DYSF: variants seen among roughly 807,000 people sequenced by gnomAD.
The protein encoded by DYSF is dystrophy-associated fer-1-like 1.
A neutral mutation model predicts 274.9 loss-of-function variants in DYSF; 212 were observed. The observed-to-expected ratio is 0.77, with a 90% CI of 0.69 to 0.86. The LOEUF is 0.86. Ranked by LOEUF, DYSF falls within the 40% of genes least tolerant of loss-of-function variation. The pLI, the probability that DYSF is intolerant of heterozygous loss-of-function variation, is 0.00. For missense variants in DYSF, 2,666 were observed against 2,783.2 expected (o/e 0.96, Z 0.95); for synonymous variants, 1,091 against 1,078.7 (o/e 1.01, Z -0.22).
chr2:71,603,169 G>A (rs1057372955), intron 36 of DYSF, among the ~76,000 whole-genome samples: 2 of 152,236 alleles, frequency 1.3e-5, no homozygotes, highest in Non-Finnish European at 2.9e-5. Context: ...GGTGGCATTA[G>A]TCAAATGTCT....
intron 22 of DYSF, among the ~76,000 whole-genome samples, chr2:71,556,872 T>C (rs569573193): frequency 1.3e-5 from 2 of 152,332 alleles, no homozygotes; most frequent in South Asian, 4.1e-4. Context: ...GCAAATGTAT[T>C]CTATGCTCCC....
chr2:71,626,465 C>A (rs2094209879), intron 41 of DYSF, among the ~76,000 whole-genome samples: 1 of 150,348 alleles, frequency 6.7e-6, no homozygotes. Context: ...AATTAATAAC[C>A]CAAGTTATCT....
intron 33 of DYSF, among the ~76,000 whole-genome samples, chr2:71,600,324 G>A (rs2093518245): frequency 6.6e-6 from 1 of 152,262 alleles, no homozygotes; most frequent in Non-Finnish European, 1.5e-5. Flanking sequence ...AGATACAGAA[G>A]TCCCTGGAAC....
At chr2:71,517,588 G>A (rs2086790816) in intron 10 of DYSF, among the ~76,000 whole-genome samples, 1 of 152,110 alleles carries the variant, frequency 6.6e-6, no homozygotes, top group Non-Finnish European at 1.5e-5. Flanking sequence ...GTGTCCAGAA[G>A]ACCAAACAAA....
At position 71,488,542 on chromosome 2, in the gene DYSF, C is replaced by T. The variant is rs184985071; in HGVS notation, c.239+6572C>T. On this transcript the variant is annotated intron_variant, in intron 3 of 55. Coordinates refer to ENST00000410020, the MANE Select transcript of DYSF (RefSeq NM_001130987.2). ...AGAACAACCTGTTAAATGAGGAGGT[C>T]TCAAATACCACAGGCGACACCTTAT... 2.4e-3 allele frequency among the ~76,000 whole-genome samples: 371 copies of T among 152,266 alleles called. 1 individual carries two copies. Among genetic ancestry groups the T allele is most frequent in the Admixed American group, 4.8e-3 (73 of 15,294 alleles).
At chr2:71,606,383 A>G (rs2093647689) in intron 36 of DYSF, among the ~76,000 whole-genome samples, 1 of 152,124 alleles carries the variant, frequency 6.6e-6, no homozygotes. Context: ...TCCTCTGATT[A>G]GGCTTATCAG....
chr2:71,462,758 C>T (rs763637380), upstream of DYSF, among the ~76,000 whole-genome samples: 25 of 152,140 alleles, frequency 1.6e-4, no homozygotes, highest in Non-Finnish European at 2.9e-4. Context: ...AGCTCGTCAC[C>T]GCAGGCAGGT....
At chr2:71,672,447 C>T (rs1188224879) in intron 51 of DYSF, among the ~76,000 whole-genome samples, 5 of 152,186 alleles carry the variant, frequency 3.3e-5, no homozygotes, top group East Asian at 1.9e-4. Context: ...ATTAACCAGA[C>T]GAGACTGTCG....
intron 12 of DYSF, among the ~76,000 whole-genome samples, chr2:71,523,440 TG>T (rs1430251345): frequency 6.6e-6 from 1 of 152,154 alleles, no homozygotes; most frequent in African/African-American, 2.4e-5. Flanking sequence ...AGACTGGATT[TG>T]GGGGAACAAC....
chr2:71,553,753 TCCC>T, intron 20 of DYSF, 51 bp from the exon 21 acceptor site: 2 of 567,526 alleles, frequency 3.5e-6, no homozygotes, highest in Non-Finnish European at 6.0e-6. Context: ...TAGCACCCCA[TCCC>T]ACCCGCCCTC....
intron 4 of DYSF, among the ~76,000 whole-genome samples, chr2:71,508,468 T>C (rs895598575): frequency 1.3e-5 from 2 of 152,242 alleles, no homozygotes; most frequent in African/African-American, 4.8e-5. Flanking sequence ...TTTCCTTCCA[T>C]TTGGAATAAT....
At position 71,485,876 on chromosome 2, in the gene DYSF, C is replaced by T. The variant is rs568533076; in HGVS notation, c.239+3906C>T. On this transcript the variant is annotated intron_variant, in intron 3 of 55. Transcript: ENST00000410020. ...TTGCCCAGGCTGCAGTGCAGTGGTA[C>T]GTTCTTGGCTCACTGCAACCTCCGC... 9.2e-5 allele frequency among the ~76,000 whole-genome samples: 14 copies of T among 152,264 alleles called. No individual in the cohort carries two copies. The South Asian group carries it at 1.5e-3, about 16-fold the overall frequency.
chr2:71,563,977 C>CA, intron 23 of DYSF, 81 bp from the exon 24 acceptor site: 3 of 1,595,198 alleles, frequency 1.9e-6, no homozygotes, highest in African/African-American at 1.3e-5. Context: ...GCCTCTGAGT[C>CA]AGAGGTCAGC....
chr2:71,669,003 A>C (rs2095069433), intron 49 of DYSF, 109 bp from the exon 50 acceptor site: 2 of 1,278,922 alleles, frequency 1.6e-6, no homozygotes, highest in Non-Finnish European at 2.2e-6. Context: ...CCAGCCAGGC[A>C]GGCATCGAGT....
intron 3 of DYSF, among the ~76,000 whole-genome samples, chr2:71,484,413 TG>T (rs1411553937): frequency 1.3e-5 from 2 of 152,192 alleles, no homozygotes; most frequent in Admixed American, 1.3e-4. Context: ...TATATATCTA[TG>T]GGGTGCACGT....
intron 13 of DYSF, among the ~76,000 whole-genome samples, chr2:71,527,779 A>T (rs1010547081): frequency 7.2e-5 from 11 of 152,234 alleles, no homozygotes; most frequent in African/African-American, 2.6e-4. Context: ...ATATCTATCT[A>T]TCTGTATCTA....
intron 11 of DYSF, 87 bp downstream of exon 11, chr2:71,520,295 C>T (rs1328966599): frequency 2.3e-5 from 33 of 1,436,354 alleles, no homozygotes; most frequent in Non-Finnish European, 2.6e-5. Context: ...CACTGTCCCT[C>T]CTGGGGGTTT....
chr2:71,580,217 G>T (rs2092840493), intron 30 of DYSF, among the ~76,000 whole-genome samples: 1 of 152,384 alleles, frequency 6.6e-6, no homozygotes, highest in East Asian at 1.9e-4. Context: ...CAGTCCTGGG[G>T]CAGTCGGGCA....
chr2:71,619,185 G>A (rs1466743642), intron 40 of DYSF, among the ~76,000 whole-genome samples: 1 of 152,092 alleles, frequency 6.6e-6, no homozygotes, highest in African/African-American at 2.4e-5. Context: ...GTGGGGTTCA[G>A]GATGCAAATG....
Sources: allele counts gnomAD v4.1 joint callset (sites outside exome capture counted in the v4.1 genomes callset), GRCh38; gene constraint gnomAD v4.1.1; transcripts MANE v1.5; gene names NCBI Gene and HGNC (gene_info 2026-07-23, HGNC 2026-07-21).